The following RAB7A variants were observed in gnomAD, a reference collection of about 807,000 sequenced individuals.
RAB7A encodes the protein RAB7A, member RAS oncogene family, also known as ras-related protein Rab-7a.
Under a neutral mutation model 24.5 loss-of-function variants are expected in RAB7A, and 2 were observed. That is an observed-to-expected ratio of 0.08 (90% CI 0.03 to 0.26). RAB7A has a LOEUF of 0.26. RAB7A is among the 10% of genes least tolerant of loss of function. RAB7A has a pLI of 1.00. For synonymous variants in RAB7A, 100 were observed against 95.9 expected (o/e 1.04, Z -0.25); for missense variants, 118 against 255.7 (o/e 0.46, Z 3.67).
intron 1 of RAB7A, among the ~76,000 whole-genome samples, chr3:128,790,198 G>C (rs767392498): frequency 1.3e-5 from 2 of 152,172 alleles, no homozygotes; most frequent in Non-Finnish European, 2.9e-5. Context: ...CAATGTCCTG[G>C]TGAAAGAAGA....
At chr3:128,738,731 C>T (rs1427621531) in intron 1 of RAB7A, among the ~76,000 whole-genome samples, 3 of 152,170 alleles carry the variant, frequency 2.0e-5, no homozygotes, top group African/African-American at 7.2e-5. Context: ...ACCTGTTTTT[C>T]CCCAAATGTT....
At chr3:128,802,622 C>G (rs1415529476) in intron 3 of RAB7A, among the ~76,000 whole-genome samples, 1 of 139,614 alleles carries the variant, frequency 7.2e-6, no homozygotes, top group Non-Finnish European at 1.5e-5. Context: ...GCAATTCTGC[C>G]TCAGCCTCCC....
chr3:128,749,084 A>G (rs922440397), intron 1 of RAB7A: 8 of 152,368 alleles, frequency 5.3e-5, no homozygotes, highest in African/African-American at 1.7e-4. Context: ...ATTGGTATCC[A>G]GAAGGAAGTT....
chr3:128,797,195 A>C (rs1286263157), intron 2 of RAB7A, among the ~76,000 whole-genome samples: 2 of 152,200 alleles, frequency 1.3e-5, no homozygotes, highest in Admixed American at 6.5e-5. Flanking sequence ...TCTGGGTTGG[A>C]AAACACTGCC....
intron 5 of RAB7A, among the ~76,000 whole-genome samples, chr3:128,809,226 A>G (rs113535822): frequency 0.012 from 1,824 of 152,284 alleles, 33 homozygotes; most frequent in African/African-American, 0.039. Flanking sequence ...TAGATTGTTA[A>G]ATCGGAGGGT....
At chr3:128,775,414 C>T (rs535177691) in intron 1 of RAB7A, among the ~76,000 whole-genome samples, 1 of 152,344 alleles carries the variant, frequency 6.6e-6, no homozygotes, top group East Asian at 1.9e-4. Flanking sequence ...TGTAACATCC[C>T]TCGCCTCTTC....
intron 1 of RAB7A, among the ~76,000 whole-genome samples, chr3:128,765,757 CTTTTT>C (rs57347555): frequency 7.5e-6 from 1 of 134,150 alleles, no homozygotes; most frequent in Non-Finnish European, 1.6e-5. Flanking sequence ...TCTACCTCTA[CTTTTT>C]TTTTTTTTTT....
At chr3:128,742,181 C>G (rs1019640384) in intron 1 of RAB7A, among the ~76,000 whole-genome samples, 1 of 151,416 alleles carries the variant, frequency 6.6e-6, no homozygotes, top group African/African-American at 2.4e-5. Context: ...TAAGGTGGCA[C>G]GTCTGGAGTT....
At chr3:128,795,334 A>G in intron 1 of RAB7A, 26 bp from the exon 2 acceptor site, 1 of 1,589,308 alleles carries the variant, frequency 6.3e-7, no homozygotes, top group Non-Finnish European at 8.6e-7. Flanking sequence ...TCACACTCAC[A>G]GTGATTTCTC....
chr3:128,787,908 T>C (rs1361541644), intron 1 of RAB7A, among the ~76,000 whole-genome samples: 1 of 152,250 alleles, frequency 6.6e-6, no homozygotes, highest in East Asian at 1.9e-4. Flanking sequence ...CGACTGGGTT[T>C]CAACATGTTG....
At chr3:128,768,635 T>C (rs1401637771) in intron 1 of RAB7A, among the ~76,000 whole-genome samples, 1 of 152,100 alleles carries the variant, frequency 6.6e-6, no homozygotes, top group African/African-American at 2.4e-5. Flanking sequence ...CACAGCTCAC[T>C]GCACCTTCAT....
intron 1 of RAB7A, among the ~76,000 whole-genome samples, chr3:128,744,991 A>T (rs1301196435): frequency 2.0e-5 from 3 of 149,942 alleles, no homozygotes; most frequent in African/African-American, 7.4e-5. Flanking sequence ...CTCCTGCCTC[A>T]GCATCCCGAG....
chr3:128,787,520 G>T lies in RAB7A; in HGVS notation c.-8-7840G>T, dbSNP rs541134708. ...GGTAGGACCTGGGCTGACACTCCTG[G>T]TAATTCCAGCTCTGCCACTTCGTTG... On this transcript the variant is annotated intron_variant, in intron 1 of 5. Transcript: ENST00000265062. Among the ~76,000 whole-genome samples the T allele has an allele frequency of 9.2e-5, 14 of 152,282 alleles. No individual in the cohort carries two copies. The East Asian group carries it at 2.7e-3, about 29-fold the overall frequency.
intron 1 of RAB7A, among the ~76,000 whole-genome samples, chr3:128,735,776 G>A (rs909840354): frequency 6.6e-6 from 1 of 152,124 alleles, no homozygotes; most frequent in Non-Finnish European, 1.5e-5. Context: ...AGATAATCTA[G>A]GGTTGATATC....
chr3:128,743,249 A>G (rs541349910), intron 1 of RAB7A, among the ~76,000 whole-genome samples: 61 of 152,162 alleles, frequency 4.0e-4, no homozygotes, highest in African/African-American at 1.4e-3. Context: ...CCCACCCGGA[A>G]CTCCCGCTGG....
At chr3:128,765,053 G>C (rs1385389060) in intron 1 of RAB7A, 1 of 1,220,480 alleles carries the variant, frequency 8.2e-7, no homozygotes, top group East Asian at 2.4e-5. Flanking sequence ...CGGTGGCTGC[G>C]CGGCGCTGGA....
chr3:128,775,623 G>A (rs1158373713), intron 1 of RAB7A, among the ~76,000 whole-genome samples: 1 of 152,190 alleles, frequency 6.6e-6, no homozygotes, highest in Non-Finnish European at 1.5e-5. Flanking sequence ...CAAGTGTGGA[G>A]ACAGATTATC....
chr3:128,727,457 C>T (rs938985068), intron 1 of RAB7A, among the ~76,000 whole-genome samples: 2 of 152,226 alleles, frequency 1.3e-5, no homozygotes, highest in Non-Finnish European at 2.9e-5. Flanking sequence ...TCCTTTCTTT[C>T]TATTGATGTC....
intron 1 of RAB7A, among the ~76,000 whole-genome samples, chr3:128,728,125 A>G (rs1275426812): frequency 6.6e-6 from 1 of 152,206 alleles, no homozygotes; most frequent in Non-Finnish European, 1.5e-5. Flanking sequence ...ATTGTGGGAC[A>G]TTGACTCAGG....
Sources: allele counts gnomAD v4.1 joint callset (sites outside exome capture counted in the v4.1 genomes callset), GRCh38; gene constraint gnomAD v4.1.1; transcripts MANE v1.5; gene names NCBI Gene and HGNC (gene_info 2026-07-23, HGNC 2026-07-21).